BCL11A: variants seen among roughly 807,000 people sequenced by gnomAD.
The protein encoded by BCL11A is BCL11 transcription factor A.
BCL11A carries 2 observed loss-of-function variants against 55.9 expected under a neutral mutation model. The observed-to-expected ratio is 0.04, with a 90% CI of 0.01 to 0.11. BCL11A has a LOEUF of 0.11. Ranked by LOEUF, BCL11A falls within the 10% of genes least tolerant of loss-of-function variation. BCL11A has a pLI of 1.00. For synonymous variants in BCL11A, 465 were observed against 473.4 expected (o/e 0.98, Z 0.23); for missense variants, 817 against 1,137.1 (o/e 0.72, Z 4.05).
At chr2:60,532,135 G>A (rs1215058878) in intron 2 of BCL11A, among the ~76,000 whole-genome samples, 2 of 152,108 alleles carry the variant, frequency 1.3e-5, no homozygotes, top group Admixed American at 6.5e-5. Context: ...AGATCAGGAA[G>A]AAATTTGCAT....
At chr2:60,525,174 T>C (rs1166347321) in intron 2 of BCL11A, 2 of 152,248 alleles carry the variant, frequency 1.3e-5, no homozygotes, top group African/African-American at 4.8e-5. Flanking sequence ...AGTCAGTTAA[T>C]TGAATTTAAA....
At position 60,553,315 on chromosome 2, in the gene BCL11A, G is replaced by GCGT; in HGVS notation, c.-46_-45insACG. ...GGCGGCGGCGGCGGCGGCGGCGGCG[G>GCGT]GCGGACGACGGCTCGGTTCACATCG... On this transcript the variant is annotated 5_prime_UTR_variant, in exon 1 of 4. Transcript: ENST00000642384. 6.6e-7 allele frequency: 1 copy of GCGT among 1,514,976 alleles called. No homozygotes were observed. The highest frequency in any genetic ancestry group is 8.8e-7 in the Non-Finnish European group (1 of 1,136,558). 93.8% of individuals were successfully genotyped at this position (1,514,976 alleles called of 1,614,324 possible). A position where few individuals can be genotyped will look rare whatever the true frequency, so the allele number is the denominator to read the frequency against.
intron 2 of BCL11A, among the ~76,000 whole-genome samples, chr2:60,504,763 T>C (rs539201128): frequency 5.3e-5 from 8 of 152,292 alleles, no homozygotes; most frequent in African/African-American, 1.7e-4. Flanking sequence ...CTTGAAATTA[T>C]ATAGAGAGGT....
chr2:60,460,786 C>A lies in BCL11A; in HGVS notation c.2126G>T (p.Gly709Val). 1 of 1,613,282 alleles carries A rather than the reference C, an allele frequency of 6.2e-7. No homozygotes were observed. The highest frequency in any genetic ancestry group is 8.5e-7 in the Non-Finnish European group (1 of 1,180,032). The change falls in exon 4 of 4, where the codon GGG (glycine) becomes GTG (valine). Residue 709 changes from glycine (G) to valine (V), a missense_variant. By Grantham distance (109) the Gly-to-Val change is moderately radical. Coordinates refer to ENST00000642384, the MANE Select transcript of BCL11A (RefSeq NM_022893.4). ...TCCCGTGCCGCTGCGCCCCGAGATCCCTCCGTCCAGCTCCCCGGGCGGTGT... is the reference window on the plus strand; with the variant it reads ...TCCCGTGCCGCTGCGCCCCGAGATCACTCCGTCCAGCTCCCCGGGCGGTGT... ...FSTPPGELDG[G>V]ISGRSGTGSG...
At position 60,475,845 on chromosome 2, in the gene BCL11A, T is replaced by C. The variant is rs544477494; in HGVS notation, c.386-7012A>G. 7.9e-5 allele frequency among the ~76,000 whole-genome samples: 12 copies of C among 152,284 alleles called. 1 individual carries two copies. The South Asian group carries it at 2.5e-3, about 32-fold the overall frequency. ...CCACTGCCACCACTCCCCGGATTCT[T>C]TTCTTCCTTTAGGAAGCAGGGACTT... is the stretch of plus-strand genomic sequence containing the variant. On this transcript the variant is annotated intron_variant, in intron 2 of 3. Transcript: ENST00000642384.
At chr2:60,541,959 AG>A in intron 2 of BCL11A, 1 of 688,058 alleles carries the variant, frequency 1.5e-6, no homozygotes, top group Non-Finnish European at 2.7e-6. Flanking sequence ...CAAAAAGAAA[AG>A]GTAAGTTCAT....
At chr2:60,451,562 T>C in exon 5 of BCL11A, 1 of 231,756 alleles carries the variant, frequency 4.3e-6, no homozygotes, top group Non-Finnish European at 8.5e-6. Flanking sequence ...TCCTATAATT[T>C]CCCCCCTCTA....
chr2:60,470,949 G>C (rs1677160165), intron 2 of BCL11A, among the ~76,000 whole-genome samples: 1 of 152,216 alleles, frequency 6.6e-6, no homozygotes, highest in Admixed American at 6.5e-5. Flanking sequence ...ACAATGTGAA[G>C]ATTAGAATTA....
intron 1 of BCL11A, chr2:60,550,747 T>C (rs1670376481): frequency 2.5e-6 from 1 of 397,924 alleles, no homozygotes; most frequent in Non-Finnish European, 4.4e-6. Flanking sequence ...GGGAGAGGGG[T>C]ACGAGGGAGC....
At chr2:60,481,587 A>T (rs963859117) in intron 2 of BCL11A, among the ~76,000 whole-genome samples, 2 of 152,128 alleles carry the variant, frequency 1.3e-5, no homozygotes, top group African/African-American at 4.8e-5. Flanking sequence ...CCTGGCTAAG[A>T]GCAACTGCAG....
At chr2:60,533,465 A>G (rs911265659) in intron 2 of BCL11A, 1 of 152,286 alleles carries the variant, frequency 6.6e-6, no homozygotes, top group East Asian at 1.9e-4. Flanking sequence ...AGCAGCATGC[A>G]TAAGTTAGTG....
intron 2 of BCL11A, among the ~76,000 whole-genome samples, chr2:60,497,452 T>G (rs1052066129): frequency 2.6e-5 from 4 of 152,200 alleles, no homozygotes; most frequent in Admixed American, 1.3e-4. Context: ...TATATGAGAG[T>G]GCTTTGAAGT....
At chr2:60,536,957 A>T (rs989388519) in intron 2 of BCL11A, 2 of 152,362 alleles carry the variant, frequency 1.3e-5, no homozygotes, top group Non-Finnish European at 2.9e-5. Flanking sequence ...TCTATTGTAC[A>T]AACAAGTACG....
intron 2 of BCL11A, among the ~76,000 whole-genome samples, chr2:60,490,390 C>G (rs1200289621): frequency 6.6e-6 from 1 of 152,170 alleles, no homozygotes; most frequent in Non-Finnish European, 1.5e-5. Flanking sequence ...GCTCCACAAT[C>G]CAACTCCAAT....
At chr2:60,478,342 C>T (rs1558629796) in intron 2 of BCL11A, 1 of 152,342 alleles carries the variant, frequency 6.6e-6, no homozygotes, top group Non-Finnish European at 1.5e-5. Context: ...GGCTTCAGGA[C>T]CCTGCCCACC....
At chr2:60,452,899 C>A (rs1675785709), downstream of BCL11A, 3 of 459,748 alleles carry the variant, frequency 6.5e-6, no homozygotes, top group Non-Finnish European at 1.2e-5. Context: ...AAGGAGGACC[C>A]AGGTCCCCCC....
Position 60,503,005 on chromosome 2 carries a change from T to C in BCL11A, c.386-34172A>G, listed in dbSNP as rs546255130. Among the ~76,000 whole-genome samples, 69 of 152,312 alleles carry C rather than the reference T, an allele frequency of 4.5e-4. No individual in the cohort carries two copies. The South Asian group carries it at 0.011, about 24-fold the overall frequency. ...CTTGTCTTTTAAGGCCTGGGCTGTC[T>C]AGGGGGATGGCTACTGGCTTGGAGC... On this transcript the variant is annotated intron_variant, in intron 2 of 3. Transcript: ENST00000642384.
intron 2 of BCL11A, among the ~76,000 whole-genome samples, chr2:60,506,381 C>A (rs1231300290): frequency 6.6e-6 from 1 of 152,256 alleles, no homozygotes; most frequent in Admixed American, 6.5e-5. Flanking sequence ...CTGTCAAACC[C>A]CTGGAAAACT....
At chr2:60,465,014 C>A (rs1355799219) in intron 3 of BCL11A, among the ~76,000 whole-genome samples, 1 of 152,144 alleles carries the variant, frequency 6.6e-6, no homozygotes, top group Admixed American at 6.5e-5. Context: ...AGGGCTGTTA[C>A]GATTGAGACT....
Sources: allele counts gnomAD v4.1 joint callset (sites outside exome capture counted in the v4.1 genomes callset), GRCh38; gene constraint gnomAD v4.1.1; transcripts MANE v1.5; gene names NCBI Gene and HGNC (gene_info 2026-07-23, HGNC 2026-07-21).